The following BMP8A variants were observed in gnomAD, a reference collection of about 807,000 sequenced individuals.
BMP8A encodes the protein bone morphogenetic protein 8a.
A neutral mutation model predicts 36.8 loss-of-function variants in BMP8A; 14 were observed. That is an observed-to-expected ratio of 0.38 (90% CI 0.25 to 0.60). BMP8A has a LOEUF of 0.60. Among genes scored for constraint, BMP8A ranks in the 20% least tolerant of loss-of-function variants. The pLI is 0.63. For synonymous variants in BMP8A, 120 were observed against 237.7 expected, an observed-to-expected ratio of 0.50 and a Z score of 4.55; for missense variants, 267 against 551.1, an observed-to-expected ratio of 0.48 and a Z score of 5.16.
chr1:39,517,701 T>C (rs1278252042), intron 3 of BMP8A, among the ~76,000 whole-genome samples: 1 of 151,574 alleles, frequency 6.6e-6, no homozygotes, highest in Non-Finnish European at 1.5e-5. Flanking sequence ...CCCCTCCTCC[T>C]CCCACATCTC....
intron 1 of BMP8A, among the ~76,000 whole-genome samples, chr1:39,502,714 G>C (rs1255323763): frequency 6.6e-6 from 1 of 152,198 alleles, no homozygotes; most frequent in Non-Finnish European, 1.5e-5. Context: ...ATAGCCCATA[G>C]AATAAAATAA....
At chr1:39,507,785 A>G (rs1645314599) in intron 1 of BMP8A, among the ~76,000 whole-genome samples, 2 of 152,226 alleles carry the variant, frequency 1.3e-5, no homozygotes, top group African/African-American at 2.4e-5. Context: ...ACTACCGTCA[A>G]CAAACCTGGC....
intron 1 of BMP8A, among the ~76,000 whole-genome samples, chr1:39,494,080 G>A (rs1383831393): frequency 1.3e-5 from 2 of 152,256 alleles, no homozygotes; most frequent in Non-Finnish European, 2.9e-5. Flanking sequence ...GTTGTTGTGT[G>A]ATTGGTAGAG....
At chr1:39,523,617 CT>C (rs1467511085) in intron 6 of BMP8A, 25 of 1,440,968 alleles carry the variant, frequency 1.7e-5, no homozygotes, top group Admixed American at 5.9e-5. Flanking sequence ...AACCTTTTGG[CT>C]TTTTCCCGCA....
At position 39,497,072 on chromosome 1, in the gene BMP8A, G is replaced by C. The variant is rs139494157; in HGVS notation, c.334+4747G>C. On this transcript the variant is annotated intron_variant, in intron 1 of 6. Transcript: ENST00000331593. ...TTGAGTCTAGTCTTTGACTCAGCAT[G>C]CTTCTTTTTCCATTTTCCTCCATGT... 3.0e-3 allele frequency among the ~76,000 whole-genome samples: 456 copies of C among 152,224 alleles called. 1 individual carries two copies. Among genetic ancestry groups the C allele is most frequent in the Non-Finnish European group, 5.0e-3 (341 of 68,028 alleles).
At chr1:39,517,204 C>T (rs1425769136) in intron 3 of BMP8A, among the ~76,000 whole-genome samples, 1 of 151,814 alleles carries the variant, frequency 6.6e-6, no homozygotes, top group Non-Finnish European at 1.5e-5. Context: ...ACCATGTTGC[C>T]CAGGCTGGTC....
At chr1:39,496,480 T>C (rs1645206415) in intron 1 of BMP8A, among the ~76,000 whole-genome samples, 1 of 151,732 alleles carries the variant, frequency 6.6e-6, no homozygotes, top group African/African-American at 2.4e-5. Context: ...ATCTGGGCTT[T>C]CCAGTCAACC....
chr1:39,492,075 G>A lies in BMP8A; in HGVS notation c.84G>A (p.Pro28=). The part of the protein sequence containing the change: ...LGGGGPGLRP[P]PGCPQRRLGA... ...GGGGCGGCCCCGGCCTGCGACCCCC[G>A]CCCGGCTGTCCCCAGCGACGTCTGG... Residue 28 remains proline, a synonymous_variant, in exon 1 of 7, where the codon CCG becomes CCA. Coordinates refer to ENST00000331593, the MANE Select transcript of BMP8A (RefSeq NM_181809.4). 2.7e-6 allele frequency: 3 copies of A among 1,128,892 alleles called. No individual in the cohort carries two copies. The highest frequency in any genetic ancestry group is 3.2e-6 in the Non-Finnish European group (3 of 924,704). The allele number at this position is 1,128,892 out of a possible 1,614,324, so 69.9% of individuals were successfully genotyped here.
At chr1:39,505,985 CCAAAAA>C (rs1295476264) in intron 1 of BMP8A, among the ~76,000 whole-genome samples, 2 of 93,906 alleles carry the variant, frequency 2.1e-5, no homozygotes, top group African/African-American at 9.4e-5. Context: ...GACCCTGTCT[CCAAAAA>C]AAAAAAAAAA....
intron 3 of BMP8A, among the ~76,000 whole-genome samples, chr1:39,517,671 ATT>A (rs1192135335): frequency 6.6e-6 from 1 of 151,956 alleles, no homozygotes; most frequent in East Asian, 1.9e-4. Flanking sequence ...TTGTTGTTAA[ATT>A]TTGTTTCCCT....
chr1:39,515,042 C>T, intron 3 of BMP8A: 1 of 1,563,216 alleles, frequency 6.4e-7, no homozygotes, highest in Non-Finnish European at 8.7e-7. Flanking sequence ...AGGGCTGCGC[C>T]CGCTGCTTTG....
At chr1:39,503,403 G>A (rs1274603375) in intron 1 of BMP8A, among the ~76,000 whole-genome samples, 1 of 151,376 alleles carries the variant, frequency 6.6e-6, no homozygotes, top group Admixed American at 6.6e-5. Context: ...TATGATCCCA[G>A]CAAGGTGAGC....
chr1:39,509,289 T>C (rs1164418570), intron 1 of BMP8A, among the ~76,000 whole-genome samples: 2 of 152,222 alleles, frequency 1.3e-5, no homozygotes, highest in Admixed American at 6.5e-5. Flanking sequence ...TGGGGGATTC[T>C]TACACAGCCA....
chr1:39,515,671 A>G, intron 3 of BMP8A: 1 of 1,574,782 alleles, frequency 6.4e-7, no homozygotes, highest in Non-Finnish European at 8.7e-7. Context: ...AAAGCTGCAG[A>G]CGTCACGGCG....
chr1:39,519,809 CAT>C (rs1645418349), intron 3 of BMP8A, among the ~76,000 whole-genome samples: 1 of 148,032 alleles, frequency 6.8e-6, no homozygotes, highest in South Asian at 2.2e-4. Context: ...TTTATGCAAA[CAT>C]ATGCCTGTGT....
At chr1:39,503,266 G>A (rs1645267808) in intron 1 of BMP8A, among the ~76,000 whole-genome samples, 1 of 152,152 alleles carries the variant, frequency 6.6e-6, no homozygotes, top group Non-Finnish European at 1.5e-5. Context: ...TACTTGACAG[G>A]CTGAGGTGGG....
intron 1 of BMP8A, among the ~76,000 whole-genome samples, chr1:39,508,719 C>T (rs1055992365): frequency 2.6e-5 from 4 of 152,220 alleles, no homozygotes; most frequent in Admixed American, 6.5e-5. Context: ...GCTCCAGACC[C>T]ACATGGCTCC....
At chr1:39,495,082 G>C (rs1474461657) in intron 1 of BMP8A, among the ~76,000 whole-genome samples, 2 of 152,204 alleles carry the variant, frequency 1.3e-5, no homozygotes, top group African/African-American at 4.8e-5. Context: ...GGCCCCTGAA[G>C]GTTGGTGGCC....
At chr1:39,499,342 G>C (rs1645233555) in intron 1 of BMP8A, among the ~76,000 whole-genome samples, 1 of 152,250 alleles carries the variant, frequency 6.6e-6, no homozygotes, top group South Asian at 2.1e-4. Context: ...AGGGCCCTGG[G>C]ACACTCTTCC....
Sources: gnomAD v4.1 joint callset for allele counts (sites outside exome capture counted in the v4.1 genomes callset) on GRCh38, gnomAD v4.1.1 for gene constraint, MANE v1.5 for transcripts, NCBI Gene and HGNC (gene_info 2026-07-23, HGNC 2026-07-21) for gene names.